Variants in CTNNA2 observed in about 807,000 individuals in gnomAD.
CTNNA2 encodes the protein catenin alpha 2, also known as catenin alpha-2.
CTNNA2 carries 42 observed loss-of-function variants against 101.0 expected under a neutral mutation model. The observed-to-expected ratio is 0.42, with a 90% CI of 0.32 to 0.54. CTNNA2 has a LOEUF of 0.54. CTNNA2 is among the 20% of genes least tolerant of loss of function. CTNNA2 has a pLI of 0.14. For missense variants in CTNNA2, 871 were observed against 1,223.1 expected (o/e 0.71, Z 4.29); for synonymous variants, 450 against 456.4 (o/e 0.99, Z 0.18).
chr2:80,076,574 C>T (rs1413105805), intron 7 of CTNNA2, among the ~76,000 whole-genome samples: 1 of 151,712 alleles, frequency 6.6e-6, no homozygotes, highest in Non-Finnish European at 1.5e-5. Context: ...TGAGCCACTG[C>T]ACTTGGCTTT....
intron 9 of CTNNA2, among the ~76,000 whole-genome samples, chr2:80,420,976 C>A (rs1320959184): frequency 6.6e-6 from 1 of 152,158 alleles, no homozygotes; most frequent in Non-Finnish European, 1.5e-5. Context: ...TCATATCAGG[C>A]AAGCCTTCTA....
chr2:79,923,513 A>G (rs1415076998), intron 7 of CTNNA2, among the ~76,000 whole-genome samples: 1 of 152,194 alleles, frequency 6.6e-6, no homozygotes, highest in African/African-American at 2.4e-5. Flanking sequence ...GGATATGTGT[A>G]TAAATTCTAG....
At chr2:79,591,910 T>A (rs372177046) in intron 1 of CTNNA2, among the ~76,000 whole-genome samples, 259 of 15,670 alleles carry the variant, frequency 0.017, 1 homozygote, top group South Asian at 0.045. Flanking sequence ...AAAAAAAAAT[T>A]TTTTTTTTTT....
At chr2:80,632,995 G>C (rs1157012748) in intron 18 of CTNNA2, among the ~76,000 whole-genome samples, 2 of 152,144 alleles carry the variant, frequency 1.3e-5, no homozygotes, top group Non-Finnish European at 2.9e-5. Context: ...CTTAGAGCCA[G>C]TTTCTCTAAT....
intron 5 of CTNNA2, among the ~76,000 whole-genome samples, chr2:79,506,248 T>C (rs1158037040): frequency 1.3e-5 from 2 of 152,038 alleles, no homozygotes; most frequent in African/African-American, 4.8e-5. Flanking sequence ...CTTTGTTCGA[T>C]GGAACATATA....
At chr2:79,618,896 A>G (rs1054007341) in intron 1 of CTNNA2, among the ~76,000 whole-genome samples, 34 of 152,194 alleles carry the variant, frequency 2.2e-4, no homozygotes, top group African/African-American at 8.2e-4. Context: ...ATATATGGGT[A>G]TGAGCACCCA....
intron 7 of CTNNA2, among the ~76,000 whole-genome samples, chr2:80,180,222 GTC>G (rs1286107242): frequency 1.3e-5 from 2 of 152,168 alleles, no homozygotes; most frequent in Non-Finnish European, 2.9e-5. Context: ...AGGGGACCCA[GTC>G]TCTCCTTCAT....
At chr2:80,235,110 T>G (rs2149081929) in intron 7 of CTNNA2, among the ~76,000 whole-genome samples, 1 of 152,352 alleles carries the variant, frequency 6.6e-6, no homozygotes, top group South Asian at 2.1e-4. Flanking sequence ...TGAAGATTAG[T>G]AACTCCCTTT....
intron 7 of CTNNA2, among the ~76,000 whole-genome samples, chr2:80,381,150 G>A (rs1676480413): frequency 6.6e-6 from 1 of 151,780 alleles, no homozygotes; most frequent in Non-Finnish European, 1.5e-5. Flanking sequence ...TTCAGGAGGT[G>A]GTAGTCTCCT....
chr2:79,759,974 G>A (rs760176020), intron 3 of CTNNA2, among the ~76,000 whole-genome samples: 61 of 152,092 alleles, frequency 4.0e-4, no homozygotes, highest in Admixed American at 1.7e-3. Context: ...TCCAAAGCAG[G>A]TCTTAAAGCT....
chr2:80,217,535 C>T (rs921627857), intron 7 of CTNNA2, among the ~76,000 whole-genome samples: 30 of 151,938 alleles, frequency 2.0e-4, no homozygotes, highest in Non-Finnish European at 3.4e-4. Flanking sequence ...ACACTGAAAG[C>T]CCATGGCTTT....
intron 7 of CTNNA2, among the ~76,000 whole-genome samples, chr2:79,956,854 T>TTTTTTTTTTTC (rs1689269033): frequency 9.6e-6 from 1 of 104,348 alleles, no homozygotes; most frequent in African/African-American, 3.6e-5. Flanking sequence ...TTTTTTTTTT[T>TTTTTTTTTTTC]TTTTTTTTTT....
chr2:80,018,054 A>G lies in CTNNA2; in HGVS notation c.1056+108257A>G, dbSNP rs542531484. 2.6e-5 allele frequency among the ~76,000 whole-genome samples: 4 copies of G among 152,328 alleles called. No individual in the cohort carries two copies. In the South Asian group the frequency reaches 8.3e-4, roughly 32 times the overall value. On this transcript the variant is annotated intron_variant, in intron 7 of 18. Coordinates refer to ENST00000402739, the MANE Select transcript of CTNNA2 (RefSeq NM_001282597.3). ...TGTTAGTGTTTAGGAAAGCATAAAT[A>G]TGTTCATGATTAATTTGTAATTTTA...
intron 7 of CTNNA2, among the ~76,000 whole-genome samples, chr2:80,126,594 C>G (rs1401480815): frequency 9.5e-5 from 2 of 20,968 alleles, no homozygotes; most frequent in African/African-American, 2.8e-4. Flanking sequence ...TTCCCTCCCT[C>G]CCTCCCTCCC....
Position 80,263,056 on chromosome 2 carries a change from T to G in CTNNA2, c.1057-130155T>G, listed in dbSNP as rs1672738546. Among the ~76,000 whole-genome samples, 3 of 152,274 alleles carry G rather than the reference T, an allele frequency of 2.0e-5. No individual in the cohort carries two copies. In the South Asian group the frequency reaches 6.2e-4, roughly 32 times the overall value. On this transcript the variant is annotated intron_variant, in intron 7 of 18. Transcript: ENST00000402739. The stretch of plus-strand genomic sequence containing the variant: ...ATTTCTTTAGACTAATTTTAGAATA[T>G]TCTTTTAACTGAGTGTATGTGATGG...
intron 7 of CTNNA2, among the ~76,000 whole-genome samples, chr2:80,178,238 T>C (rs1170632029): frequency 6.6e-6 from 1 of 152,186 alleles, no homozygotes; most frequent in Non-Finnish European, 1.5e-5. Flanking sequence ...TCATTTACAT[T>C]TGATGATGGA....
At chr2:79,621,527 G>A (rs1367536976) in intron 1 of CTNNA2, among the ~76,000 whole-genome samples, 1 of 152,190 alleles carries the variant, frequency 6.6e-6, no homozygotes, top group Non-Finnish European at 1.5e-5. Context: ...ATACGATACA[G>A]TAGTATTGGA....
At chr2:80,089,688 C>T (rs930049338) in intron 7 of CTNNA2, among the ~76,000 whole-genome samples, 1 of 151,994 alleles carries the variant, frequency 6.6e-6, no homozygotes, top group Non-Finnish European at 1.5e-5. Flanking sequence ...ATCATTTGGC[C>T]TCACCCACTG....
chr2:80,648,003 T>C lies in CTNNA2; in HGVS notation c.*131T>C. 1 of 836,746 alleles carries C rather than the reference T, an allele frequency of 1.2e-6. No homozygotes were observed. Among genetic ancestry groups the C allele is most frequent in the Non-Finnish European group, 1.8e-6 (1 of 552,040 alleles). 51.8% of individuals were successfully genotyped at this position (836,746 alleles called of 1,614,324 possible). ...GGGGAAATTAAGGGAACAGTGTCTG[T>C]TTGCATGTAAGATGAGATGAGATCA... On this transcript the variant is annotated 3_prime_UTR_variant, in exon 19 of 19. Transcript: ENST00000402739.
Sources: allele counts gnomAD v4.1 joint callset (sites outside exome capture counted in the v4.1 genomes callset), GRCh38; gene constraint gnomAD v4.1.1; transcripts MANE v1.5; gene names NCBI Gene and HGNC (gene_info 2026-07-23, HGNC 2026-07-21).